Variants in TMEM108 observed in about 807,000 individuals in gnomAD.
TMEM108 encodes transmembrane protein 108, also known as cancer/testis antigen 124.
In TMEM108, 12 loss-of-function variants were observed where a neutral mutation model predicts 35.1. That is an observed-to-expected ratio of 0.34 (90% CI 0.22 to 0.55). TMEM108 has a LOEUF of 0.55. Among genes scored for constraint, TMEM108 ranks in the 20% least tolerant of loss-of-function variants. The pLI is 0.89. For synonymous variants in TMEM108, 287 were observed against 308.6 expected (o/e 0.93, Z 0.73); for missense variants, 680 against 753.3 (o/e 0.90, Z 1.14).
intron 2 of TMEM108, among the ~76,000 whole-genome samples, chr3:133,093,184 T>G (rs1475366242): frequency 6.6e-6 from 1 of 152,132 alleles, no homozygotes; most frequent in East Asian, 1.9e-4. Flanking sequence ...AGAGACGAGG[T>G]TTCACCATGT....
intron 3 of TMEM108, among the ~76,000 whole-genome samples, chr3:133,287,035 T>C (rs112830637): frequency 8.4e-4 from 128 of 152,324 alleles, no homozygotes; most frequent in African/African-American, 3.1e-3. Context: ...TCCCGTGCTC[T>C]TCTTTGCTGT....
chr3:133,055,363 T>C (rs1344801286), intron 2 of TMEM108, among the ~76,000 whole-genome samples: 1 of 152,216 alleles, frequency 6.6e-6, no homozygotes, highest in East Asian at 1.9e-4. Flanking sequence ...TTTGTTCTCA[T>C]AGAATCAGGA....
intron 3 of TMEM108, among the ~76,000 whole-genome samples, chr3:133,282,278 CT>C (rs1170674565): frequency 5.9e-5 from 9 of 152,154 alleles, no homozygotes; most frequent in Non-Finnish European, 1.2e-4. Context: ...ACTTTTGCTG[CT>C]TTTCTTTGAG....
chr3:133,167,733 G>A (rs1576356822), intron 2 of TMEM108, among the ~76,000 whole-genome samples: 4 of 152,174 alleles, frequency 2.6e-5, no homozygotes, highest in East Asian at 1.9e-4. Context: ...GCGCTGGCCC[G>A]TGAGCACCGC....
chr3:133,131,414 A>G (rs1212136626), intron 2 of TMEM108, among the ~76,000 whole-genome samples: 6 of 150,814 alleles, frequency 4.0e-5, no homozygotes. Context: ...CATGTGTTTA[A>G]TTCATGTCTC....
At chr3:133,122,665 C>T (rs1007056255) in intron 2 of TMEM108, among the ~76,000 whole-genome samples, 12 of 151,930 alleles carry the variant, frequency 7.9e-5, no homozygotes, top group African/African-American at 2.4e-4. Context: ...AGATCAAGAC[C>T]GTCCTGGCTA....
At chr3:133,313,420 C>T (rs891442852) in intron 3 of TMEM108, among the ~76,000 whole-genome samples, 3 of 152,086 alleles carry the variant, frequency 2.0e-5, no homozygotes, top group East Asian at 1.9e-4. Flanking sequence ...CTCCTGACCT[C>T]GTGATCCACC....
At position 133,222,873 on chromosome 3, in the gene TMEM108, G is replaced by C. The variant is rs1946012802; in HGVS notation, c.-46-6393G>C. On this transcript the variant is annotated intron_variant, in intron 2 of 5. Transcript: ENST00000321871. The stretch of plus-strand genomic sequence containing the variant: ...TTTTTTTTTCTCACTCTGTCACCCA[G>C]GCTGGAGCATGATTATGGCTCACTA... 6.6e-5 allele frequency among the ~76,000 whole-genome samples: 10 copies of C among 151,652 alleles called. No homozygotes were observed. In the South Asian group the frequency reaches 2.1e-3, roughly 32 times the overall value.
intron 2 of TMEM108, among the ~76,000 whole-genome samples, chr3:133,142,311 T>A (rs1224454791): frequency 1.3e-5 from 2 of 151,940 alleles, no homozygotes; most frequent in African/African-American, 4.8e-5. Flanking sequence ...ATAAAAAGAG[T>A]TAAAAGCAGA....
At chr3:133,305,950 AT>A (rs1418723267) in intron 3 of TMEM108, among the ~76,000 whole-genome samples, 3 of 151,924 alleles carry the variant, frequency 2.0e-5, no homozygotes, top group Admixed American at 1.3e-4. Context: ...CCAATTTTTT[AT>A]TGAGTTGTAA....
chr3:133,194,878 GACATAGTGAGAT>G (rs1407738327), intron 2 of TMEM108, among the ~76,000 whole-genome samples: 2 of 152,132 alleles, frequency 1.3e-5, no homozygotes, highest in African/African-American at 2.4e-5. Context: ...CATGTATACT[GACATAGTGAGAT>G]ACAGTGTCTG....
At chr3:133,395,815 C>T in intron 5 of TMEM108, 49 bp from the exon 6 acceptor site, 3 of 1,481,690 alleles carry the variant, frequency 2.0e-6, no homozygotes, top group Non-Finnish European at 1.8e-6. Context: ...GAATGGCCAC[C>T]TCTTAAGCCT....
intron 3 of TMEM108, among the ~76,000 whole-genome samples, chr3:133,312,589 G>A (rs114919183): frequency 0.013 from 1,951 of 152,348 alleles, 16 homozygotes; most frequent in South Asian, 0.025. Context: ...TGTGAAAAGC[G>A]CAGTATTTGG....
At chr3:133,213,513 G>A (rs1405424754) in intron 2 of TMEM108, among the ~76,000 whole-genome samples, 1 of 152,140 alleles carries the variant, frequency 6.6e-6, no homozygotes. Flanking sequence ...AGAGTATTCT[G>A]TTCATATTCT....
intron 2 of TMEM108, among the ~76,000 whole-genome samples, chr3:133,134,713 G>T (rs1361200745): frequency 3.9e-5 from 6 of 152,100 alleles, no homozygotes; most frequent in Non-Finnish European, 7.4e-5. Flanking sequence ...TGGATTTAGT[G>T]TAACTGTCAC....
chr3:133,262,896 T>C (rs1946644121), intron 3 of TMEM108, among the ~76,000 whole-genome samples: 1 of 152,250 alleles, frequency 6.6e-6, no homozygotes, highest in Non-Finnish European at 1.5e-5. Flanking sequence ...CTCTTGAGAA[T>C]AGATTCCTGA....
chr3:133,260,552 C>T (rs564803762), intron 3 of TMEM108, among the ~76,000 whole-genome samples: 2 of 152,216 alleles, frequency 1.3e-5, no homozygotes, highest in African/African-American at 4.8e-5. Flanking sequence ...CAATTGTGGT[C>T]AGAGCATAGT....
Position 133,360,007 on chromosome 3 carries a change from TAAA to T in TMEM108, c.41-19727_41-19725del, listed in dbSNP as rs59374214. Among the ~76,000 whole-genome samples, 109 of 112,882 alleles carry T rather than the reference TAAA, an allele frequency of 9.7e-4. 1 individual carries two copies. The highest frequency in any genetic ancestry group is 9.5e-4 in the Non-Finnish European group (54 of 56,722). 74.1% of individuals were successfully genotyped at this position (112,882 alleles called of 152,430 possible). A position where few individuals can be genotyped will look rare whatever the true frequency, so the allele number is the denominator to read the frequency against. On this transcript the variant is annotated intron_variant, in intron 3 of 5. Coordinates refer to ENST00000321871, the MANE Select transcript of TMEM108 (RefSeq NM_023943.4). ...CTGTAATGGAATACTACTCAACAGT[TAAA>T]AAAAAAAAAAAAAAAAAGCAAACCA...
At chr3:133,147,919 T>C (rs1160659291) in intron 2 of TMEM108, among the ~76,000 whole-genome samples, 1 of 151,456 alleles carries the variant, frequency 6.6e-6, no homozygotes, top group African/African-American at 2.4e-5. Flanking sequence ...GCTACAGAAA[T>C]ACAGAAATCT....
Sources: allele counts gnomAD v4.1 joint callset (sites outside exome capture counted in the v4.1 genomes callset), GRCh38; gene constraint gnomAD v4.1.1; transcripts MANE v1.5; gene names NCBI Gene and HGNC (gene_info 2026-07-23, HGNC 2026-07-21).